Variants in COLQ observed in about 807,000 individuals in gnomAD.
COLQ encodes acetylcholinesterase collagenic tail peptide.
COLQ carries 48 observed loss-of-function variants against 69.0 expected under a neutral mutation model. The ratio of observed to expected loss-of-function variants is 0.70; its 90% CI spans 0.55 to 0.88. The LOEUF (loss-of-function observed/expected upper bound fraction) is 0.88. COLQ is among the 40% of genes least tolerant of loss of function. COLQ has a pLI of 0.00. For missense variants in COLQ, 618 were observed against 594.6 expected (o/e 1.04, Z -0.41); for synonymous variants, 217 against 211.2 (o/e 1.03, Z -0.24).
intron 1 of COLQ, chr3:15,498,756 G>A: frequency 6.6e-7 from 1 of 1,526,148 alleles, no homozygotes; most frequent in South Asian, 1.2e-5. Flanking sequence ...GGGGTCTGGA[G>A]CCAGTCCTGA....
intron 1 of COLQ, among the ~76,000 whole-genome samples, chr3:15,513,454 GGAA>G (rs2063015260): frequency 6.6e-6 from 1 of 152,180 alleles, no homozygotes; most frequent in Admixed American, 6.5e-5. Flanking sequence ...GGGGTAAGCA[GGAA>G]GAAGAGAGTG....
Position 15,492,925 on chromosome 3 carries a change from TG to T in COLQ, c.107-3289del, listed in dbSNP as rs146727198. ...GAAAACTGTTGGCCTATCCAATGCT[TG>T]GTGCTTAGCTTGGTCACAAAAAGTT... is the stretch of plus-strand genomic sequence containing the variant. On this transcript the variant is annotated intron_variant, in intron 1 of 16. Coordinates refer to ENST00000383788, the MANE Select transcript of COLQ (RefSeq NM_005677.4). Among the ~76,000 whole-genome samples, 9 of 152,304 alleles carry T rather than the reference TG, an allele frequency of 5.9e-5. No individual in the cohort carries two copies. In the East Asian group the frequency reaches 1.7e-3, roughly 29 times the overall value.
At chr3:15,507,253 G>A (rs2062923989) in intron 1 of COLQ, among the ~76,000 whole-genome samples, 1 of 152,230 alleles carries the variant, frequency 6.6e-6, no homozygotes, top group Non-Finnish European at 1.5e-5. Context: ...CTCTGTGTAT[G>A]TTGGTAAGAC....
chr3:15,496,864 A>C (rs975291706), intron 1 of COLQ, among the ~76,000 whole-genome samples: 1 of 152,160 alleles, frequency 6.6e-6, no homozygotes, highest in Non-Finnish European at 1.5e-5. Flanking sequence ...CATCTTTGGA[A>C]AGCGATTTTC....
rs1037807664 is a variant in COLQ at position 15,455,884 on chromosome 3, C to T, written c.1195+15G>A. 2 of 1,613,982 alleles carry T rather than the reference C, an allele frequency of 1.2e-6. No homozygotes were observed. Among genetic ancestry groups the T allele is most frequent in the African/African-American group, 1.3e-5 (1 of 75,030 alleles). On this transcript the variant is annotated intron_variant, in intron 15 of 16. Transcript: ENST00000383788. ...TGTTCAGGCCTCAGGTCCTCCTGGT[C>T]TGGGCCTCACTCACGGATGCAGTCG...
chr3:15,471,562 T>G (rs2062287964), intron 10 of COLQ, among the ~76,000 whole-genome samples: 1 of 152,024 alleles, frequency 6.6e-6, no homozygotes, highest in African/African-American at 2.4e-5. Context: ...CAACCATGAG[T>G]GTTAATCAGC....
chr3:15,498,965 G>C (rs778035902), intron 1 of COLQ: 4 of 1,173,446 alleles, frequency 3.4e-6, no homozygotes, highest in Non-Finnish European at 4.3e-6. Context: ...CTCAAAAACC[G>C]ACTTGACTCA....
At chr3:15,509,968 C>A (rs574405683) in intron 1 of COLQ, among the ~76,000 whole-genome samples, 6 of 151,652 alleles carry the variant, frequency 4.0e-5, no homozygotes, top group African/African-American at 1.2e-4. Flanking sequence ...GTCAGGAGAT[C>A]GAGACCATCC....
At chr3:15,491,284 T>C (rs2062661986) in intron 1 of COLQ, among the ~76,000 whole-genome samples, 1 of 152,162 alleles carries the variant, frequency 6.6e-6, no homozygotes, top group Admixed American at 6.5e-5. Context: ...AAGCTATGGT[T>C]TTTCAGTTCT....
chr3:15,490,873 C>T (rs1478186466), intron 1 of COLQ, among the ~76,000 whole-genome samples: 3 of 152,206 alleles, frequency 2.0e-5, no homozygotes, highest in Non-Finnish European at 4.4e-5. Context: ...CAATTTCACT[C>T]CTAGGTTTTT....
At chr3:15,453,960 G>T in intron 15 of COLQ, 29 bp from the exon 16 acceptor site, 1 of 1,518,026 alleles carries the variant, frequency 6.6e-7, no homozygotes, top group Non-Finnish European at 9.1e-7. Flanking sequence ...GTGCAGTCTT[G>T]AGAAGGAGCA....
rs7631005 is a variant in COLQ, at chr3:15,473,554, C to T, written c.636+446G>A. Among the ~76,000 whole-genome samples, 57,018 of 151,932 alleles carry T rather than the reference C, an allele frequency of 0.38. 10,855 individuals carry two copies. The highest frequency in any genetic ancestry group is 0.49 in the East Asian group (2,526 of 5,166). On this transcript the variant is annotated intron_variant, in intron 10 of 16. Coordinates refer to ENST00000383788, the MANE Select transcript of COLQ (RefSeq NM_005677.4). This position sits in a 1 kb window ranked among gnomAD's most constrained non-coding sequence, Gnocchi z 4.0. ...TGTCCTTCTGGCAGTATGTGCACCG[C>T]CCTTGAAGAAGGACTGCAATAAGGC...
intron 12 of COLQ, among the ~76,000 whole-genome samples, chr3:15,460,353 C>G (rs572664690): frequency 1.3e-5 from 2 of 152,124 alleles, no homozygotes; most frequent in Non-Finnish European, 2.9e-5. Context: ...AGAACAAAAG[C>G]CATCTAACAG....
chr3:15,463,723 T>G (rs1040810483), intron 12 of COLQ, among the ~76,000 whole-genome samples: 1 of 151,988 alleles, frequency 6.6e-6, no homozygotes, highest in African/African-American at 2.4e-5. Context: ...CAGGCCAAGC[T>G]CTCAGTCTCT....
chr3:15,514,917 G>A (rs1303964540), intron 1 of COLQ, among the ~76,000 whole-genome samples: 3 of 152,144 alleles, frequency 2.0e-5, no homozygotes, highest in East Asian at 1.9e-4. Context: ...TTTTTTTGCT[G>A]AATAGATATC....
intron 1 of COLQ, among the ~76,000 whole-genome samples, chr3:15,495,701 C>A (rs77253604): frequency 9.7e-4 from 148 of 152,250 alleles, no homozygotes; most frequent in Non-Finnish European, 1.6e-3. Context: ...CCAGCTGTCA[C>A]GGGCTACTTT....
In COLQ at chr3:15,474,145, T is replaced by A. The variant is rs529731720; in HGVS notation, c.600+83A>T. The A allele has an allele frequency of 1.6e-5, 26 of 1,592,724 alleles. No individual in the cohort carries two copies. In the Admixed American group the frequency reaches 3.2e-4, roughly 19 times the overall value. On this transcript the variant is annotated intron_variant, in intron 9 of 16. Coordinates refer to ENST00000383788, the MANE Select transcript of COLQ (RefSeq NM_005677.4). ...AGATGGAGGCCTGTCCATCAGTCCATCATCAGTCCACGGATGGGGGTGGGT... is the reference window on the plus strand; with the variant it reads ...AGATGGAGGCCTGTCCATCAGTCCAACATCAGTCCACGGATGGGGGTGGGT...
At chr3:15,451,809 C>A in intron 16 of COLQ, 96 bp from the exon 17 acceptor site, 1 of 1,030,616 alleles carries the variant, frequency 9.7e-7, no homozygotes, top group Middle Eastern at 2.9e-4. Context: ...GCCAATGGCT[C>A]TACAAGAACT....
In COLQ at chr3:15,521,664, G is replaced by T. The variant is rs748437180; in HGVS notation, c.-39C>A. On this transcript the variant is annotated 5_prime_UTR_variant, in exon 1 of 17. Transcript: ENST00000383788. ...TGGCGAGGGTCAAGTTAGAAAGGAG[G>T]CTGCTGCGGAGCCTTGCTTATCTCT... is the stretch of plus-strand genomic sequence containing the variant. The T allele has an allele frequency of 1.9e-6, 3 of 1,613,230 alleles. No individual in the cohort carries two copies. The highest frequency in any genetic ancestry group is 1.7e-5 in the Admixed American group (1 of 59,938).
Sources: gnomAD v4.1 joint callset for allele counts (sites outside exome capture counted in the v4.1 genomes callset) on GRCh38, gnomAD v4.1.1 for gene constraint, Gnocchi (gnomAD v3.1) non-coding constraint, MANE v1.5 for transcripts, NCBI Gene and HGNC (gene_info 2026-07-23, HGNC 2026-07-21) for gene names.